Variants in C2CD2 observed in about 807,000 individuals in gnomAD.
The protein encoded by C2CD2 is C2 calcium dependent domain containing 2.
A neutral mutation model predicts 74.3 loss-of-function variants in C2CD2; 43 were observed. The observed-to-expected ratio is 0.58, with a 90% CI of 0.45 to 0.75. The LOEUF (loss-of-function observed/expected upper bound fraction) is 0.75. C2CD2 is among the 30% of genes least tolerant of loss of function. The pLI, the probability that C2CD2 is intolerant of heterozygous loss-of-function variation, is 0.00. For missense variants in C2CD2, 801 were observed against 916.3 expected (o/e 0.87, Z 1.63); for synonymous variants, 422 against 390.7 (o/e 1.08, Z -0.94).
chr21:41,920,107 T>A (rs1313929039), intron 3 of C2CD2, among the ~76,000 whole-genome samples: 1 of 152,160 alleles, frequency 6.6e-6, no homozygotes, highest in Non-Finnish European at 1.5e-5. Flanking sequence ...CTCAGTCCCG[T>A]AATCCCATGG....
intron 8 of C2CD2, 141 bp from the exon 9 acceptor site, chr21:41,907,925 G>C (rs2064983541): frequency 2.4e-6 from 2 of 840,644 alleles, no homozygotes; most frequent in South Asian, 3.0e-5. Context: ...GTTTCAGAAT[G>C]TTTGAAAAAT....
rs1270341829 is a variant in C2CD2 at position 41,926,368 on chromosome 21, G to C, written c.379-4283C>G. On this transcript the variant is annotated intron_variant, in intron 2 of 13. Transcript: ENST00000380486. The surrounding 1 kb of genome is among the most constrained non-coding windows in gnomAD (Gnocchi z 8.0). The stretch of plus-strand genomic sequence containing the variant: ...GTGGGGGGCTATTCACGGTAAGTCA[G>C]GGTCTCCACATGGAAAGGCCAAGGG... 1.6e-5 allele frequency: 15 copies of C among 935,652 alleles called. No homozygotes were observed. The highest frequency in any genetic ancestry group is 1.8e-5 in the African/African-American group (1 of 56,232). 58.0% of individuals were successfully genotyped at this position (935,652 alleles called of 1,614,324 possible).
chr21:41,931,583 CA>C (rs2146213113), intron 2 of C2CD2, among the ~76,000 whole-genome samples: 1 of 149,592 alleles, frequency 6.7e-6, no homozygotes, highest in South Asian at 2.2e-4. Context: ...CCACCACGCC[CA>C]GCTAATTTTT....
Position 41,889,277 on chromosome 21 carries a change from C to A in C2CD2, c.1938G>T (p.Met646Ile). ...RRRHQQKDPG[M>I]SQSHNDLVFL... ...ACACAAGGTCATTGTGTGACTGACTCATGCCTGGGTCTTTCTGTTGATGCC... is the reference window on the plus strand; with the variant it reads ...ACACAAGGTCATTGTGTGACTGACTAATGCCTGGGTCTTTCTGTTGATGCC... Residue 646 changes from methionine (M) to isoleucine (I), a missense_variant, in exon 14 of 14, where the codon ATG (methionine) becomes ATT (isoleucine). Met to Ile is a conservative substitution (Grantham distance 10). Coordinates refer to ENST00000380486, the MANE Select transcript of C2CD2 (RefSeq NM_015500.2). 1 of 1,614,112 alleles carries A rather than the reference C, an allele frequency of 6.2e-7. No homozygotes were observed. Among genetic ancestry groups the A allele is most frequent in the South Asian group, 1.1e-5 (1 of 91,074 alleles).
At chr21:41,936,968 A>T (rs1437501342) in intron 2 of C2CD2, among the ~76,000 whole-genome samples, 1 of 150,944 alleles carries the variant, frequency 6.6e-6, no homozygotes, top group Non-Finnish European at 1.5e-5. Flanking sequence ...ACAGGCACAC[A>T]CCACCATGCC....
Position 41,939,089 on chromosome 21 carries a change from C to A in C2CD2, c.378+3058G>T, listed in dbSNP as rs1475537259. Among the ~76,000 whole-genome samples the A allele has an allele frequency of 6.6e-6, 1 of 152,108 alleles. No individual in the cohort carries two copies. The highest frequency in any genetic ancestry group is 1.5e-5 in the Non-Finnish European group (1 of 68,012). ...GCTGAATTCTATTCCACCGCGTGGACGAGCCACAGTTTATTGATCTATTCG... is the reference window on the plus strand; with the variant it reads ...GCTGAATTCTATTCCACCGCGTGGAAGAGCCACAGTTTATTGATCTATTCG... On this transcript the variant is annotated intron_variant, in intron 2 of 13. Transcript: ENST00000380486. The surrounding 1 kb of genome is among the most constrained non-coding windows in gnomAD (Gnocchi z 5.5).
chr21:41,898,929 T>G, intron 13 of C2CD2, 124 bp downstream of exon 13: 3 of 737,324 alleles, frequency 4.1e-6, no homozygotes, highest in South Asian at 1.6e-5. Context: ...GGGGCAGGGG[T>G]GAGGCTGGGA....
intron 13 of C2CD2, among the ~76,000 whole-genome samples, chr21:41,897,890 G>T (rs949641313): frequency 3.3e-5 from 5 of 152,198 alleles, no homozygotes; most frequent in African/African-American, 9.6e-5. Flanking sequence ...CGTGTCCTGT[G>T]CACGGCAGGG....
intron 1 of C2CD2, among the ~76,000 whole-genome samples, chr21:41,947,119 T>C (rs12165295): frequency 0.019 from 1,011 of 52,028 alleles, 40 homozygotes; most frequent in South Asian, 0.042. Context: ...CTTTTCTCTC[T>C]CTCTCTCTCT....
In C2CD2 at chr21:41,899,496, T is replaced by C. The variant is rs2839416; in HGVS notation, c.1561-134A>G. 137 of 839,850 alleles carry C rather than the reference T, an allele frequency of 1.6e-4. No individual in the cohort carries two copies. The African/African-American group carries it at 1.8e-3, about 11-fold the overall frequency. The allele number at this position is 839,850 out of a possible 1,614,324, so 52.0% of individuals were successfully genotyped here. Reference sequence around the variant, plus strand: ...TCAGAAGATGCAGCCGTGGGCCTCATAGAAGGCGCTTATACATCACGGCCG... The same window carrying C: ...TCAGAAGATGCAGCCGTGGGCCTCACAGAAGGCGCTTATACATCACGGCCG... On this transcript the variant is annotated intron_variant, in intron 12 of 13. Transcript: ENST00000380486. The surrounding 1 kb of genome is among the most constrained non-coding windows in gnomAD (Gnocchi z 4.4).
intron 5 of C2CD2, among the ~76,000 whole-genome samples, chr21:41,915,106 C>T (rs115384466): frequency 1.5e-4 from 23 of 152,310 alleles, no homozygotes; most frequent in Admixed American, 6.5e-4. Context: ...CCGCTGGCTG[C>T]GGGCACTCAT....
chr21:41,911,791 A>G (rs1387290816), intron 7 of C2CD2, among the ~76,000 whole-genome samples: 1 of 152,042 alleles, frequency 6.6e-6, no homozygotes, highest in Non-Finnish European at 1.5e-5. Context: ...CCCAGACTCA[A>G]GCAATCCTCC....
chr21:41,947,702 G>A lies in C2CD2; in HGVS notation c.280-5457C>T, dbSNP rs758996811. 8.4e-4 allele frequency among the ~76,000 whole-genome samples: 128 copies of A among 152,318 alleles called. 1 individual carries two copies. Among genetic ancestry groups the A allele is most frequent in the Middle Eastern group, 3.4e-3 (1 of 294 alleles). On this transcript the variant is annotated intron_variant, in intron 1 of 13. Coordinates refer to ENST00000380486, the MANE Select transcript of C2CD2 (RefSeq NM_015500.2). ...TGTCTCACTATGTCCCAGGCATTTTGCTAAATGTCTCACACAGATCTGATC... is the reference window on the plus strand; with the variant it reads ...TGTCTCACTATGTCCCAGGCATTTTACTAAATGTCTCACACAGATCTGATC...
Position 41,903,962 on chromosome 21 carries a change from G to A in C2CD2, c.1432+1762C>T, listed in dbSNP as rs572167776. 7.9e-5 allele frequency among the ~76,000 whole-genome samples: 12 copies of A among 152,304 alleles called. No homozygotes were observed. The South Asian group carries it at 2.3e-3, about 29-fold the overall frequency. ...GCATCAGCGGCATTAGTACCAGAGC[G>A]GCTCCAGCTCAAATAAGGGCTGGGC... On this transcript the variant is annotated intron_variant, in intron 11 of 13. Coordinates refer to ENST00000380486, the MANE Select transcript of C2CD2 (RefSeq NM_015500.2). This position sits in a 1 kb window ranked among gnomAD's most constrained non-coding sequence, Gnocchi z 4.5.
chr21:41,942,877 C>A (rs1569082549), intron 1 of C2CD2: 2 of 672,488 alleles, frequency 3.0e-6, no homozygotes, highest in Non-Finnish European at 3.7e-6. Context: ...GACTCCTCAA[C>A]CCCTACTTCA....
intron 2 of C2CD2, among the ~76,000 whole-genome samples, chr21:41,934,560 G>C (rs541369890): frequency 1.3e-5 from 2 of 152,234 alleles, no homozygotes; most frequent in East Asian, 1.9e-4. Context: ...CAAAATGCAC[G>C]TACTCTTTCT....
chr21:41,907,530 A>T, intron 9 of C2CD2, 130 bp downstream of exon 9: 4 of 986,348 alleles, frequency 4.1e-6, no homozygotes, highest in Non-Finnish European at 5.9e-6. Flanking sequence ...ACGATGAAAC[A>T]GCATCTCCTC....
intron 4 of C2CD2, among the ~76,000 whole-genome samples, chr21:41,918,589 GT>G (rs375081225): frequency 1.5e-4 from 22 of 149,412 alleles, no homozygotes; most frequent in African/African-American, 1.5e-4. Context: ...AGGCTTCAGG[GT>G]TTTTTTTTTA....
rs1266239928 is a variant in C2CD2, at chr21:41,911,113, T to A, written c.953+1219A>T. On this transcript the variant is annotated intron_variant, in intron 7 of 13. Transcript: ENST00000380486. The stretch of plus-strand genomic sequence containing the variant: ...AAGTATCCATAAATTTTGCTCTAAT[T>A]AAGTTTTTAAAAATTAAGAATGGGT... Among the ~76,000 whole-genome samples the A allele has an allele frequency of 3.3e-5, 5 of 152,064 alleles. No homozygotes were observed. The East Asian group carries it at 9.6e-4, about 29-fold the overall frequency.
Sources: gnomAD v4.1 joint callset for allele counts (sites outside exome capture counted in the v4.1 genomes callset) on GRCh38, gnomAD v4.1.1 for gene constraint, Gnocchi (gnomAD v3.1) non-coding constraint, MANE v1.5 for transcripts, NCBI Gene and HGNC (gene_info 2026-07-23, HGNC 2026-07-21) for gene names.